Variants in CSMD1 observed in about 807,000 individuals in gnomAD.
The protein encoded by CSMD1 is CUB and Sushi multiple domains 1, also known as CUB and sushi domain-containing protein 1.
A neutral mutation model predicts 417.5 loss-of-function variants in CSMD1; 213 were observed. The observed-to-expected ratio is 0.51, with a 90% CI of 0.46 to 0.57. CSMD1 has a LOEUF of 0.57. Ranked by LOEUF, CSMD1 falls within the 20% of genes least tolerant of loss-of-function variation. The pLI, the probability that CSMD1 is intolerant of heterozygous loss-of-function variation, is 0.00. For synonymous variants in CSMD1, 2,862 were observed against 1,736.8 expected (o/e 1.65, Z -16.11); for missense variants, 6,923 against 4,529.7 (o/e 1.53, Z -15.17).
chr8:4,012,036 G>C (rs1050314770), intron 4 of CSMD1, among the ~76,000 whole-genome samples: 1 of 151,938 alleles, frequency 6.6e-6, no homozygotes, highest in Non-Finnish European at 1.5e-5. Context: ...GAAAAAAAAA[G>C]TCAGTACATG....
intron 5 of CSMD1, among the ~76,000 whole-genome samples, chr8:3,982,807 T>C (rs1813984065): frequency 6.6e-6 from 1 of 152,128 alleles, no homozygotes; most frequent in Non-Finnish European, 1.5e-5. Context: ...CGCTGGAGGA[T>C]TCTGAGGGGA....
chr8:3,706,754 T>C (rs1457769274), intron 7 of CSMD1, among the ~76,000 whole-genome samples: 1 of 150,970 alleles, frequency 6.6e-6, no homozygotes, highest in Non-Finnish European at 1.5e-5. Context: ...CAGGGTTTTA[T>C]CATAAAAATC....
intron 25 of CSMD1, among the ~76,000 whole-genome samples, chr8:3,291,410 C>G (rs1403695724): frequency 6.6e-6 from 1 of 152,116 alleles, no homozygotes; most frequent in Non-Finnish European, 1.5e-5. Flanking sequence ...GGTAGCAGCT[C>G]CTTTTTGTAC....
chr8:4,562,197 G>C (rs2130615974), intron 2 of CSMD1, among the ~76,000 whole-genome samples: 1 of 152,266 alleles, frequency 6.6e-6, no homozygotes, highest in South Asian at 2.1e-4. Context: ...ACTAGAAACA[G>C]ACACTTGAGC....
In CSMD1 at chr8:3,406,181, T is replaced by G; in HGVS notation, c.2112A>C (p.Ile704=). Reference sequence around the variant, plus strand: ...ACCTGTCACCAAAACGTCGTCCGTTTATAGGAATGCCAGGATCATGGCACT... The same window carrying G: ...ACCTGTCACCAAAACGTCGTCCGTTGATAGGAATGCCAGGATCATGGCACT... ...QNECHDPGIP[I]NGRRFGDRFL... Residue 704 remains isoleucine (I), a synonymous_variant, in exon 15 of 70, where the codon ATA becomes ATC. Transcript: ENST00000635120. The G allele has an allele frequency of 6.2e-7, 1 of 1,612,256 alleles. No individual in the cohort carries two copies.
At chr8:4,453,435 C>G (rs554258769) in intron 2 of CSMD1, among the ~76,000 whole-genome samples, 1 of 152,166 alleles carries the variant, frequency 6.6e-6, no homozygotes, top group African/African-American at 2.4e-5. Flanking sequence ...AGTTAGTCAC[C>G]CGTGTGTTGG....
At chr8:4,714,776 G>A (rs1007554940) in intron 1 of CSMD1, among the ~76,000 whole-genome samples, 2 of 152,108 alleles carry the variant, frequency 1.3e-5, no homozygotes, top group African/African-American at 4.8e-5. Flanking sequence ...GAAAAATAAT[G>A]TTAGGAAAAA....
intron 3 of CSMD1, among the ~76,000 whole-genome samples, chr8:4,315,029 T>C (rs1388885114): frequency 1.3e-5 from 2 of 152,128 alleles, no homozygotes; most frequent in African/African-American, 4.8e-5. Context: ...AGGTCCCTCT[T>C]CTAATCATGA....
chr8:3,228,354 C>G (rs1585718841), intron 27 of CSMD1, among the ~76,000 whole-genome samples: 1 of 152,272 alleles, frequency 6.6e-6, no homozygotes. Context: ...AAACCTCATT[C>G]CTAAAAAACA....
chr8:3,838,099 G>T lies in CSMD1; in HGVS notation c.819-84057C>A, dbSNP rs528245851. Among the ~76,000 whole-genome samples, 75 of 152,178 alleles carry T rather than the reference G, an allele frequency of 4.9e-4. 1 individual carries two copies. The South Asian group carries it at 0.015, about 30-fold the overall frequency. On this transcript the variant is annotated intron_variant, in intron 5 of 69. Coordinates refer to ENST00000635120, the MANE Select transcript of CSMD1 (RefSeq NM_033225.6). Reference sequence around the variant, plus strand: ...TTTGGGAAAGCTGTAGCAGAAACTGGAATTTCTAACTTGGGATTAGAAAAC... The same window carrying T: ...TTTGGGAAAGCTGTAGCAGAAACTGTAATTTCTAACTTGGGATTAGAAAAC...
At chr8:3,413,429 G>T (rs1253169883) in intron 12 of CSMD1, among the ~76,000 whole-genome samples, 1 of 152,130 alleles carries the variant, frequency 6.6e-6, no homozygotes, top group African/African-American at 2.4e-5. Context: ...CTGATGCATG[G>T]CTACGGCTGG....
chr8:4,989,634 G>T (rs973317598), intron 1 of CSMD1, among the ~76,000 whole-genome samples: 7 of 152,220 alleles, frequency 4.6e-5, no homozygotes, highest in Admixed American at 6.5e-5. Flanking sequence ...AAAGGGAAAA[G>T]GTAGCTTAAA....
chr8:4,005,216 T>C (rs1389470996), intron 4 of CSMD1, among the ~76,000 whole-genome samples: 1 of 152,036 alleles, frequency 6.6e-6, no homozygotes, highest in East Asian at 1.9e-4. Context: ...GGGTGCACCA[T>C]CTCAGAAATC....
chr8:4,853,005 A>C (rs1801574536), intron 1 of CSMD1, among the ~76,000 whole-genome samples: 1 of 152,240 alleles, frequency 6.6e-6, no homozygotes, highest in Non-Finnish European at 1.5e-5. Context: ...ACTCAGATGC[A>C]GGCACATTAA....
intron 9 of CSMD1, among the ~76,000 whole-genome samples, chr8:3,582,700 A>G (rs2116980993): frequency 6.6e-6 from 1 of 152,382 alleles, no homozygotes; most frequent in East Asian, 1.9e-4. Context: ...GTATGAAAAA[A>G]AGAAAATATA....
chr8:4,779,704 C>T (rs947735830), intron 1 of CSMD1, among the ~76,000 whole-genome samples: 1 of 152,112 alleles, frequency 6.6e-6, no homozygotes, highest in African/African-American at 2.4e-5. Flanking sequence ...AAAATCCAGA[C>T]ACGAATGTAT....
chr8:3,916,525 G>T (rs142975802), intron 5 of CSMD1, among the ~76,000 whole-genome samples: 1 of 152,070 alleles, frequency 6.6e-6, no homozygotes, highest in Non-Finnish European at 1.5e-5. Context: ...TTAGGGATAC[G>T]CCTAGGTTGA....
At position 4,795,898 on chromosome 8, in the gene CSMD1, T is replaced by A. The variant is rs1370626627; in HGVS notation, c.86-158340A>T. On this transcript the variant is annotated intron_variant, in intron 1 of 69. Transcript: ENST00000635120. ...GTGTTGTTCTCATGTTAAGGTAGAC[T>A]GAAAATATTGCCACTAAGGGAAATA... Among the ~76,000 whole-genome samples the A allele has an allele frequency of 3.3e-5, 5 of 152,298 alleles. No individual in the cohort carries two copies. In the East Asian group the frequency reaches 9.7e-4, roughly 29 times the overall value.
intron 2 of CSMD1, among the ~76,000 whole-genome samples, chr8:4,455,386 T>A (rs1362929118): frequency 6.6e-6 from 1 of 152,104 alleles, no homozygotes; most frequent in African/African-American, 2.4e-5. Context: ...ATCAACTCAG[T>A]ACATTTTATA....
Sources: allele counts gnomAD v4.1 joint callset (sites outside exome capture counted in the v4.1 genomes callset), GRCh38; gene constraint gnomAD v4.1.1; transcripts MANE v1.5; gene names NCBI Gene and HGNC (gene_info 2026-07-23, HGNC 2026-07-21).